CD276: variants seen among roughly 807,000 people sequenced by gnomAD.
CD276 encodes the protein CD276 antigen.
Under a neutral mutation model 50.0 loss-of-function variants are expected in CD276, and 34 were observed. The ratio of observed to expected loss-of-function variants is 0.68; its 90% CI spans 0.52 to 0.91. The LOEUF (loss-of-function observed/expected upper bound fraction) is 0.91, where lower values mean the gene tolerates loss of function less well. Among genes scored for constraint, CD276 ranks in the 40% least tolerant of loss-of-function variants. The pLI, the probability that CD276 is intolerant of heterozygous loss-of-function variation, is 0.00. For synonymous variants in CD276, 275 were observed against 313.0 expected (o/e 0.88, Z 1.28); for missense variants, 634 against 717.5 (o/e 0.88, Z 1.33).
In CD276 at chr15:73,704,411, C is replaced by G. The variant is rs1223329321; in HGVS notation, c.1308C>G (p.Tyr436Ter). The change falls in exon 6 of 10, where the codon TAC (tyrosine) becomes TAG (stop). Residue 436 changes from tyrosine to a stop codon, truncating the protein, a stop_gained. Coordinates refer to ENST00000318443, the MANE Select transcript of CD276 (RefSeq NM_001024736.2). LOFTEE classifies it high-confidence loss of function. The surrounding 1 kb of genome is among the most constrained non-coding windows in gnomAD (Gnocchi z 4.1). Reference protein sequence around the residue: ...LRVVLGANGTYSCLVRNPVLQ... With the variant: ...LRVVLGANGT ...TGGTGCTGGGTGCGAATGGCACCTA[C>G]AGCTGCCTGGTGCGCAACCCCGTGC... is the stretch of plus-strand genomic sequence containing the variant. The G allele has an allele frequency of 6.2e-7, 1 of 1,614,078 alleles. No individual in the cohort carries two copies. Among genetic ancestry groups the G allele is most frequent in the Non-Finnish European group, 8.5e-7 (1 of 1,180,044 alleles).
At chr15:73,685,745 G>C (rs569903227) in intron 1 of CD276, among the ~76,000 whole-genome samples, 1 of 152,226 alleles carries the variant, frequency 6.6e-6, no homozygotes, top group African/African-American at 2.4e-5. Context: ...ATCTGATGCT[G>C]TGCAGCCTTC....
intron 1 of CD276, among the ~76,000 whole-genome samples, chr15:73,692,304 C>A (rs773803259): frequency 2.6e-5 from 4 of 152,080 alleles, no homozygotes; most frequent in Non-Finnish European, 4.4e-5. Context: ...AAATGTGTAC[C>A]AAAAAACTGG....
At position 73,711,129 on chromosome 15, in the gene CD276, T is replaced by C. The variant is rs1333699074; in HGVS notation, c.1547-6T>C. ...CCTCACCGTGTGCGCCTTCCTTTTT[T>C]TACAGCCCTGCAGCCTCTGAAACAC... On this transcript the variant is annotated splice_polypyrimidine_tract_variant and splice_region_variant and intron_variant, in intron 8 of 9. Transcript: ENST00000318443. The C allele has an allele frequency of 6.2e-7, 1 of 1,613,928 alleles. No homozygotes were observed. The highest frequency in any genetic ancestry group is 8.5e-7 in the Non-Finnish European group (1 of 1,180,034).
rs185955464 is a variant in CD276 at position 73,693,228 on chromosome 15, C to A, written c.-54-6358C>A. On this transcript the variant is annotated intron_variant, in intron 1 of 9. Coordinates refer to ENST00000318443, the MANE Select transcript of CD276 (RefSeq NM_001024736.2). ...AGCAGAGAGAGGAGAGTAACCTTTT[C>A]AGATGATATTCATTCATTCTTTTTT... is the stretch of plus-strand genomic sequence containing the variant. 1.8e-4 allele frequency among the ~76,000 whole-genome samples: 28 copies of A among 152,286 alleles called. No homozygotes were observed. The East Asian group carries it at 5.4e-3, about 29-fold the overall frequency.
intron 9 of CD276, 107 bp downstream of exon 9, chr15:73,711,277 C>A: frequency 8.1e-7 from 1 of 1,231,856 alleles, no homozygotes; most frequent in Non-Finnish European, 1.2e-6. Flanking sequence ...CTGAGGCCCC[C>A]TCTGCAGAAG....
intron 9 of CD276, among the ~76,000 whole-genome samples, chr15:73,712,423 C>T (rs1900940297): frequency 6.6e-6 from 1 of 152,212 alleles, no homozygotes; most frequent in African/African-American, 2.4e-5. Context: ...CATTCAGCTT[C>T]AGATGCAGAG....
intron 2 of CD276, 43 bp from the exon 3 acceptor site, chr15:73,702,212 T>C (rs764672040): frequency 4.0e-6 from 6 of 1,482,016 alleles, no homozygotes; most frequent in Non-Finnish European, 4.5e-6. Context: ...GGCCCACCCC[T>C]CCTCAGTCCC....
chr15:73,700,972 C>T (rs1169692387), intron 2 of CD276, among the ~76,000 whole-genome samples: 33 of 141,566 alleles, frequency 2.3e-4, no homozygotes, highest in African/African-American at 6.7e-4. Context: ...GGCGCGATCT[C>T]GGCTCACTGC....
At chr15:73,699,176 T>C (rs1900281716) in intron 1 of CD276, among the ~76,000 whole-genome samples, 1 of 152,132 alleles carries the variant, frequency 6.6e-6, no homozygotes, top group African/African-American at 2.4e-5. Context: ...TAGGATACAT[T>C]TCACACCTGT....
chr15:73,708,259 C>T (rs986066664), intron 6 of CD276, 80 bp from the exon 7 acceptor site: 57 of 1,527,808 alleles, frequency 3.7e-5, no homozygotes, highest in Non-Finnish European at 4.9e-5. Flanking sequence ...AGCCCCTGTT[C>T]ACACTTGGAG....
chr15:73,689,187 C>CGTGTGTGTGT (rs1567012263), intron 1 of CD276, among the ~76,000 whole-genome samples: 1 of 104,114 alleles, frequency 9.6e-6, no homozygotes, highest in African/African-American at 3.8e-5. Context: ...CTCTGTGCCT[C>CGTGTGTGTGT]CTGTGTGTGT....
At chr15:73,699,360 G>A (rs1382288319) in intron 1 of CD276, among the ~76,000 whole-genome samples, 1 of 152,146 alleles carries the variant, frequency 6.6e-6, no homozygotes. Context: ...TGAAAGGGTG[G>A]ATCCCAGCTG....
At chr15:73,684,650 C>G (rs1490908125) in intron 1 of CD276, 190 bp downstream of exon 1, 1 of 152,172 alleles carries the variant, frequency 6.6e-6, no homozygotes, top group Non-Finnish European at 1.5e-5. Context: ...ACAGGAGTCC[C>G]GGGAACCGCG....
rs1448563388 is a variant in CD276 at position 73,703,107 on chromosome 15, C to T, written c.733+21C>T. ...CACAGGTTGCTTTGCTTAAATGTCC[C>T]CTTGGGGGAGGGGGGTTCTGCTTCT... On this transcript the variant is annotated intron_variant, in intron 4 of 9. Coordinates refer to ENST00000318443, the MANE Select transcript of CD276 (RefSeq NM_001024736.2). 3 of 1,554,346 alleles carry T rather than the reference C, an allele frequency of 1.9e-6. No homozygotes were observed. In the Admixed American group the frequency reaches 5.8e-5, roughly 30 times the overall value.
Position 73,704,450 on chromosome 15 carries a change from G to A in CD276, c.1347G>A (p.Ala449=), listed in dbSNP as rs748911669. The part of the protein sequence containing the change: ...LVRNPVLQQD[A]HGSVTITGQP... The stretch of plus-strand genomic sequence containing the variant: ...GCAACCCCGTGCTGCAGCAGGATGC[G>A]CACGGCTCTGTCACCATCACAGGTA... Residue 449 remains alanine, a synonymous_variant, in exon 6 of 10, where the codon GCG becomes GCA. Transcript: ENST00000318443. The surrounding 1 kb of genome is among the most constrained non-coding windows in gnomAD (Gnocchi z 4.1). 65 of 1,613,326 alleles carry A rather than the reference G, an allele frequency of 4.0e-5. No individual in the cohort carries two copies. Among genetic ancestry groups the A allele is most frequent in the Middle Eastern group, 1.6e-4 (1 of 6,078 alleles).
At chr15:73,684,901 T>A (rs1899679062) in intron 1 of CD276, 1 of 152,264 alleles carries the variant, frequency 6.6e-6, no homozygotes, top group Non-Finnish European at 1.5e-5. Flanking sequence ...CGCTGGGAGG[T>A]TAGCGGGGTC....
At chr15:73,699,503 C>T in intron 1 of CD276, 83 bp from the exon 2 acceptor site, 1 of 1,510,466 alleles carries the variant, frequency 6.6e-7, no homozygotes, top group East Asian at 2.5e-5. Flanking sequence ...CAGCCTTCCC[C>T]ACTCTGGTCC....
chr15:73,703,852 C>A lies in CD276; in HGVS notation c.927C>A (p.Asn309Lys), dbSNP rs1321793484. ...GGGACCAGGGCAGCGCCTATGCCAA[C>A]CGCACGGCCCTCTTCCCGGACCTGC... The part of the protein sequence containing the change: ...EGRDQGSAYA[N>K]RTALFPDLLA... The change falls in exon 5 of 10, where the codon AAC (asparagine) becomes AAA (lysine). Residue 309 changes from asparagine (N) to lysine (K), a missense_variant. By Grantham distance (94) the Asn-to-Lys change is moderately conservative. Coordinates refer to ENST00000318443, the MANE Select transcript of CD276 (RefSeq NM_001024736.2). 6.2e-7 allele frequency: 1 copy of A among 1,613,674 alleles called. No individual in the cohort carries two copies. The highest frequency in any genetic ancestry group is 1.1e-5 in the South Asian group (1 of 91,080).
chr15:73,698,229 C>T (rs1900247965), intron 1 of CD276, among the ~76,000 whole-genome samples: 1 of 152,222 alleles, frequency 6.6e-6, no homozygotes, highest in Non-Finnish European at 1.5e-5. Context: ...CTGTCTTGGT[C>T]ACTCAATACA....
Sources: gnomAD v4.1 joint callset for allele counts (sites outside exome capture counted in the v4.1 genomes callset) on GRCh38, gnomAD v4.1.1 for gene constraint, Gnocchi (gnomAD v3.1) non-coding constraint, MANE v1.5 for transcripts, NCBI Gene and HGNC (gene_info 2026-07-23, HGNC 2026-07-21) for gene names.